The following MTHFD1L variants were observed in gnomAD, a reference collection of about 807,000 sequenced individuals.
MTHFD1L encodes the protein monofunctional C1-tetrahydrofolate synthase, mitochondrial.
A neutral mutation model predicts 119.5 loss-of-function variants in MTHFD1L; 81 were observed. That is an observed-to-expected ratio of 0.68 (90% CI 0.57 to 0.82). MTHFD1L has a LOEUF of 0.82. Among genes scored for constraint, MTHFD1L ranks in the 40% least tolerant of loss-of-function variants. MTHFD1L has a pLI of 0.00. For synonymous variants in MTHFD1L, 430 were observed against 475.2 expected (o/e 0.90, Z 1.24); for missense variants, 1,125 against 1,253.4 (o/e 0.90, Z 1.55).
Position 151,039,544 on chromosome 6 carries a change from G to A in MTHFD1L, c.2847+2427G>A, listed in dbSNP as rs1786723693. Among the ~76,000 whole-genome samples the A allele has an allele frequency of 6.6e-6, 1 of 152,118 alleles. No homozygotes were observed. Among genetic ancestry groups the A allele is most frequent in the Admixed American group, 6.5e-5 (1 of 15,268 alleles). On this transcript the variant is annotated intron_variant, in intron 26 of 27. Transcript: ENST00000367321. This position sits in a 1 kb window ranked among gnomAD's most constrained non-coding sequence, Gnocchi z 4.4. The stretch of plus-strand genomic sequence containing the variant: ...GCTGTGACTACAGGCTCATGCCACT[G>A]TGCCAGGCCTGTGTATAATTTAATT...
At chr6:150,955,374 G>A (rs1159658265) in intron 16 of MTHFD1L, among the ~76,000 whole-genome samples, 1 of 151,866 alleles carries the variant, frequency 6.6e-6, no homozygotes, top group Non-Finnish European at 1.5e-5. Context: ...CCATTCACCT[G>A]TTGGTCGCTT....
intron 26 of MTHFD1L, among the ~76,000 whole-genome samples, chr6:151,079,567 G>A (rs1208495460): frequency 6.6e-6 from 1 of 151,976 alleles, no homozygotes; most frequent in Admixed American, 6.6e-5. Context: ...TCGGCTCACC[G>A]CAACCTCCGC....
chr6:150,927,975 C>T (rs1306964781), intron 11 of MTHFD1L, among the ~76,000 whole-genome samples: 2 of 152,090 alleles, frequency 1.3e-5, no homozygotes, highest in Non-Finnish European at 2.9e-5. Flanking sequence ...CTTACTTGAC[C>T]AATTTTCTAT....
At chr6:150,915,644 A>G (rs1755271413) in intron 8 of MTHFD1L, among the ~76,000 whole-genome samples, 1 of 152,022 alleles carries the variant, frequency 6.6e-6, no homozygotes, top group Admixed American at 6.6e-5. Flanking sequence ...TCTGTTGCCC[A>G]GGGTGGAGTG....
chr6:151,093,408 A>AAGCGCGGTGGCTCACACCTGTAATCCC (rs71014542), intron 27 of MTHFD1L, among the ~76,000 whole-genome samples: 38 of 151,534 alleles, frequency 2.5e-4, no homozygotes, highest in African/African-American at 7.3e-4. Flanking sequence ...ACTCTCAGCC[A>AAGCGCGGTGGCTCACACCTGTAATCCC]AGCACTTTGG....
intron 7 of MTHFD1L, among the ~76,000 whole-genome samples, chr6:150,891,106 C>T (rs1490388796): frequency 6.6e-6 from 1 of 152,118 alleles, no homozygotes; most frequent in African/African-American, 2.4e-5. Context: ...CTGCCTCAGC[C>T]TCCTGAGTAG....
rs374447294 is a variant in MTHFD1L, at chr6:151,014,964, G to A, written c.2392G>A (p.Ala798Thr). The A allele has an allele frequency of 2.5e-6, 4 of 1,613,934 alleles. No homozygotes were observed. The highest frequency in any genetic ancestry group is 3.4e-6 in the Non-Finnish European group (4 of 1,179,994). Residue 798 changes from alanine (A) to threonine (T), a missense_variant, in exon 23 of 28, where the codon GCT (alanine) becomes ACT (threonine). Transcript: ENST00000367321. ...TQLFGVPVVVALNVFKTDTRA... is the reference protein window; with the variant it reads ...TQLFGVPVVVTLNVFKTDTRA... The stretch of plus-strand genomic sequence containing the variant: ...GCTCTTTGGGGTTCCCGTTGTGGTG[G>A]CTCTGAATGTCTTCAAGTAAGTCCA...
chr6:150,873,718 A>C (rs1430140245), intron 1 of MTHFD1L, among the ~76,000 whole-genome samples: 1 of 151,922 alleles, frequency 6.6e-6, no homozygotes, highest in Non-Finnish European at 1.5e-5. Flanking sequence ...ACCCAGCTGG[A>C]GTGCAGTGGC....
chr6:150,946,259 C>A (rs1014964925), intron 15 of MTHFD1L, among the ~76,000 whole-genome samples: 1 of 152,150 alleles, frequency 6.6e-6, no homozygotes, highest in African/African-American at 2.4e-5. Flanking sequence ...AAGTGATTCT[C>A]CTGCCTCAGC....
intron 26 of MTHFD1L, among the ~76,000 whole-genome samples, chr6:151,073,678 C>T (rs192691793): frequency 1.1e-4 from 12 of 106,270 alleles, no homozygotes; most frequent in African/African-American, 3.3e-4. Flanking sequence ...AACTGCAGTG[C>T]CTGAAATGAT....
chr6:151,013,875 G>C, intron 22 of MTHFD1L, 55 bp downstream of exon 22: 2 of 1,510,810 alleles, frequency 1.3e-6, no homozygotes, highest in Non-Finnish European at 1.8e-6. Flanking sequence ...CCAGTGACTC[G>C]TTGGCTTTCA....
chr6:150,959,368 C>A (rs1796104235), intron 17 of MTHFD1L: 1 of 213,160 alleles, frequency 4.7e-6, no homozygotes, highest in Non-Finnish European at 8.1e-6. Flanking sequence ...GAGAATTAAG[C>A]TGGGGCGTAA....
At chr6:151,009,494 G>A (rs1342634467) in intron 20 of MTHFD1L, among the ~76,000 whole-genome samples, 9 of 152,028 alleles carry the variant, frequency 5.9e-5, no homozygotes, top group East Asian at 1.9e-4. Context: ...AGATCATGCC[G>A]CTGTACTCCA....
chr6:151,054,627 G>C (rs1299447566), intron 26 of MTHFD1L, among the ~76,000 whole-genome samples: 1 of 152,124 alleles, frequency 6.6e-6, no homozygotes, highest in South Asian at 2.1e-4. Flanking sequence ...ATCTTGACTT[G>C]TAATTTTTTC....
chr6:150,865,957 C>T lies in MTHFD1L; in HGVS notation c.135C>T (p.Gly45=). 8.0e-7 allele frequency: 1 copy of T among 1,245,490 alleles called. No individual in the cohort carries two copies. The highest frequency in any genetic ancestry group is 1.0e-6 in the Non-Finnish European group (1 of 998,742). 77.2% of individuals were successfully genotyped at this position (1,245,490 alleles called of 1,614,324 possible). A position where few individuals can be genotyped will look rare whatever the true frequency, so the allele number is the denominator to read the frequency against. The change falls in exon 1 of 28, where the codon GGC becomes GGT. Residue 45 remains glycine (G), a synonymous_variant. Coordinates refer to ENST00000367321, the MANE Select transcript of MTHFD1L (RefSeq NM_015440.5). ...GGGGGGGGRE[G]LLGQRRPQDG... ...GAGGCGGCGGCGGTGGCCGGGAGGG[C>T]CTGCTTGGACAGCGGCGGCCGCAGG...
At chr6:151,035,461 C>T (rs1786026142) in intron 25 of MTHFD1L, among the ~76,000 whole-genome samples, 1 of 152,132 alleles carries the variant, frequency 6.6e-6, no homozygotes, top group South Asian at 2.1e-4. Flanking sequence ...GCTGCCGTTG[C>T]CAGCCAGGGT....
At chr6:150,964,822 G>A in intron 18 of MTHFD1L, 147 bp from the exon 19 acceptor site, 1 of 615,854 alleles carries the variant, frequency 1.6e-6, no homozygotes, top group South Asian at 2.0e-5. Flanking sequence ...GGGAGAGGTG[G>A]ACAGAGACAG....
At chr6:151,038,094 A>G (rs1786463597) in intron 26 of MTHFD1L, among the ~76,000 whole-genome samples, 2 of 152,186 alleles carry the variant, frequency 1.3e-5, no homozygotes, top group Admixed American at 1.3e-4. Flanking sequence ...ATGTTTTTTC[A>G]ATCAGCATTT....
intron 26 of MTHFD1L, among the ~76,000 whole-genome samples, chr6:151,059,408 C>G (rs1035980580): frequency 6.6e-6 from 1 of 151,972 alleles, no homozygotes; most frequent in African/African-American, 2.4e-5. Context: ...AACTCCTGAC[C>G]TCAGGTGATC....
Sources: allele counts gnomAD v4.1 joint callset (sites outside exome capture counted in the v4.1 genomes callset), GRCh38; gene constraint gnomAD v4.1.1; non-coding constraint Gnocchi (gnomAD v3.1); transcripts MANE v1.5; gene names NCBI Gene and HGNC (gene_info 2026-07-23, HGNC 2026-07-21).